HTT: variants seen among roughly 807,000 people sequenced by gnomAD.
The protein encoded by HTT is huntingtin.
In HTT, 104 loss-of-function variants were observed where a neutral mutation model predicts 362.3. The observed-to-expected ratio is 0.29, with a 90% confidence interval of 0.24 to 0.34. HTT has a LOEUF of 0.34. Ranked by LOEUF, HTT falls within the 10% of genes least tolerant of loss-of-function variation. The probability of loss-of-function intolerance (pLI) is 1.00; values close to 1 mark genes in which losing one functional copy is unlikely to be tolerated. For synonymous variants in HTT, 1,577 were observed against 1,548.7 expected (o/e 1.02, Z -0.43); for missense variants, 3,301 against 3,928.6 (o/e 0.84, Z 4.27).
chr4:3,243,128 A>G lies in HTT; in HGVS notation c.*3069A>G, dbSNP rs964272076. 6.6e-6 allele frequency: 1 copy of G among 152,590 alleles called. No homozygotes were observed. The highest frequency in any genetic ancestry group is 1.9e-4 in the East Asian group (1 of 5,184). The allele number at this position is 152,590 out of a possible 1,614,324, so 9.5% of individuals were successfully genotyped here. A position where few individuals can be genotyped will look rare whatever the true frequency, so the allele number is the denominator to read the frequency against. On this transcript the variant is annotated 3_prime_UTR_variant, in exon 67 of 67. Coordinates refer to ENST00000355072, the MANE Select transcript of HTT (RefSeq NM_001388492.1). ...TCCTCTTGGAGCTGAGATGAGCCCC[A>G]CGTGGAGCTCGGGACGGATAGTAGA...
At chr4:3,089,734 A>G (rs1713403089) in intron 2 of HTT, among the ~76,000 whole-genome samples, 1 of 152,204 alleles carries the variant, frequency 6.6e-6, no homozygotes, top group Non-Finnish European at 1.5e-5. Flanking sequence ...TTGTCTTTTG[A>G]TAATTTTCAA....
chr4:3,095,074 C>G (rs904857753), intron 2 of HTT, among the ~76,000 whole-genome samples: 1 of 152,110 alleles, frequency 6.6e-6, no homozygotes, highest in Non-Finnish European at 1.5e-5. Context: ...CTCCTCACAT[C>G]CCAGACGATG....
At chr4:3,136,148 C>G in intron 20 of HTT, 78 bp from the exon 21 acceptor site, 1 of 1,067,184 alleles carries the variant, frequency 9.4e-7, no homozygotes, top group Non-Finnish European at 1.4e-6. Flanking sequence ...TTCTTTCTCA[C>G]TAGCTTTCCA....
At chr4:3,207,538 A>T (rs1315634669) in intron 45 of HTT, among the ~76,000 whole-genome samples, 181 bp downstream of exon 45, 1 of 152,258 alleles carries the variant, frequency 6.6e-6, no homozygotes, top group Non-Finnish European at 1.5e-5. Flanking sequence ...CTTTCTAAAG[A>T]GTAAAGGATG....
chr4:3,147,769 C>G (rs1716678911), intron 25 of HTT, among the ~76,000 whole-genome samples: 1 of 152,098 alleles, frequency 6.6e-6, no homozygotes, highest in Non-Finnish European at 1.5e-5. Flanking sequence ...GACAAAGAAA[C>G]CTGGGATGAC....
At position 3,147,994 on chromosome 4, in the gene HTT, C is replaced by G. The variant is rs1395434425; in HGVS notation, c.3296-11C>G. On this transcript the variant is annotated splice_polypyrimidine_tract_variant and intron_variant, in intron 25 of 66. Transcript: ENST00000355072. ...TGGGGTGGAGAGGTAATGTCTGTGC[C>G]CATATCACAGCCAGTGCTCCCAAAT... 1.2e-6 allele frequency: 2 copies of G among 1,605,672 alleles called. No individual in the cohort carries two copies. The highest frequency in any genetic ancestry group is 2.7e-5 in the African/African-American group (2 of 74,604).
At chr4:3,123,707 C>G (rs1715399209) in intron 10 of HTT, among the ~76,000 whole-genome samples, 1 of 152,020 alleles carries the variant, frequency 6.6e-6, no homozygotes, top group Non-Finnish European at 1.5e-5. Context: ...AAAAAAGTTT[C>G]CTTTGTTGGG....
intron 40 of HTT, 107 bp from the exon 41 acceptor site, chr4:3,199,625 A>G (rs919952185): frequency 1.3e-5 from 12 of 914,970 alleles, no homozygotes; most frequent in Non-Finnish European, 2.1e-5. Flanking sequence ...ATACGTAAGT[A>G]TGGGAGACGA....
intron 1 of HTT, among the ~76,000 whole-genome samples, chr4:3,086,484 A>G (rs2285087): frequency 0.33 from 49,719 of 151,904 alleles, 8,521 homozygotes; most frequent in East Asian, 0.42. Context: ...ATTGGGCAAC[A>G]TCGTGAGGCC....
intron 5 of HTT, among the ~76,000 whole-genome samples, chr4:3,105,957 T>A (rs189596238): frequency 7.9e-5 from 12 of 152,346 alleles, no homozygotes; most frequent in Non-Finnish European, 1.6e-4. Flanking sequence ...ATCAGCTCCC[T>A]CCTTCTCCTT....
chr4:3,239,634 C>G (rs1433865157), intron 66 of HTT, among the ~76,000 whole-genome samples: 2 of 152,214 alleles, frequency 1.3e-5, no homozygotes, highest in Non-Finnish European at 2.9e-5. Flanking sequence ...GGTGCCCTGC[C>G]TGCAGGGCAT....
chr4:3,142,731 T>C (rs1038442369), intron 22 of HTT, 35 bp from the exon 23 acceptor site: 3 of 1,099,422 alleles, frequency 2.7e-6, no homozygotes, highest in South Asian at 2.8e-5. Context: ...TATGTTTTAA[T>C]AGTGTATTTT....
At chr4:3,196,214 G>C (rs993902037) in intron 40 of HTT, among the ~76,000 whole-genome samples, 1 of 152,162 alleles carries the variant, frequency 6.6e-6, no homozygotes, top group East Asian at 1.9e-4. Context: ...TCTCCGCAGA[G>C]AGAGTGATGA....
intron 33 of HTT, among the ~76,000 whole-genome samples, chr4:3,176,986 T>G (rs572163698): frequency 6.6e-6 from 1 of 152,370 alleles, no homozygotes; most frequent in African/African-American, 2.4e-5. Flanking sequence ...TTGGGTATCT[T>G]ATTACTAAAC....
chr4:3,184,312 G>A (rs186607897), intron 37 of HTT, among the ~76,000 whole-genome samples: 2 of 152,164 alleles, frequency 1.3e-5, no homozygotes, highest in African/African-American at 4.8e-5. Flanking sequence ...GGGTGGAGGA[G>A]TGGGGCAGCC....
chr4:3,233,047 G>C, intron 60 of HTT, 116 bp from the exon 61 acceptor site: 1 of 821,892 alleles, frequency 1.2e-6, no homozygotes. Flanking sequence ...CCGGCCTGCT[G>C]TGTAGTCTCT....
chr4:3,126,617 A>G (rs1419583284), intron 11 of HTT, among the ~76,000 whole-genome samples: 1 of 152,214 alleles, frequency 6.6e-6, no homozygotes, highest in South Asian at 2.1e-4. Context: ...CATCACAGCA[A>G]TCCGGATACT....
intron 28 of HTT, among the ~76,000 whole-genome samples, chr4:3,158,037 G>T (rs1292718638): frequency 6.8e-6 from 1 of 147,556 alleles, no homozygotes. Context: ...CTGTCCCCAG[G>T]TTGGAGTGCA....
chr4:3,221,474 T>A (rs1720667705), intron 53 of HTT, among the ~76,000 whole-genome samples: 1 of 152,240 alleles, frequency 6.6e-6, no homozygotes, highest in African/African-American at 2.4e-5. Flanking sequence ...TGTGCTCATT[T>A]TCTTTGTTCA....
Sources: gnomAD v4.1 joint callset for allele counts (sites outside exome capture counted in the v4.1 genomes callset) on GRCh38, gnomAD v4.1.1 for gene constraint, MANE v1.5 for transcripts, NCBI Gene and HGNC (gene_info 2026-07-23, HGNC 2026-07-21) for gene names.